KCNH1: variants seen among roughly 807,000 people sequenced by gnomAD.
KCNH1 encodes voltage-gated delayed rectifier potassium channel KCNH1.
Under a neutral mutation model 69.2 loss-of-function variants are expected in KCNH1, and 27 were observed. The ratio of observed to expected loss-of-function variants is 0.39; its 90% CI spans 0.29 to 0.54. The LOEUF (loss-of-function observed/expected upper bound fraction) is 0.54. Among genes scored for constraint, KCNH1 ranks in the 20% least tolerant of loss-of-function variants. The pLI, the probability that KCNH1 is intolerant of heterozygous loss-of-function variation, is 0.68. For synonymous variants in KCNH1, 456 were observed against 487.7 expected, an observed-to-expected ratio of 0.93 and a Z score of 0.86; for missense variants, 798 against 1,261.6, an observed-to-expected ratio of 0.63 and a Z score of 5.57.
intron 10 of KCNH1, among the ~76,000 whole-genome samples, chr1:210,758,509 G>T (rs1042946538): frequency 2.6e-5 from 4 of 152,212 alleles, no homozygotes; most frequent in African/African-American, 4.8e-5. Context: ...TGGCCTACCA[G>T]CTGAGGAGCA....
At chr1:210,867,529 T>C (rs937231038) in intron 7 of KCNH1, among the ~76,000 whole-genome samples, 4 of 151,984 alleles carry the variant, frequency 2.6e-5, no homozygotes, top group African/African-American at 9.7e-5. Flanking sequence ...AAAAATTTTA[T>C]TGAGGTATAA....
At chr1:210,984,534 T>C (rs1199804401) in intron 6 of KCNH1, among the ~76,000 whole-genome samples, 5 of 152,050 alleles carry the variant, frequency 3.3e-5, no homozygotes, top group Admixed American at 3.3e-4. Context: ...GAGATAATCA[T>C]GTGGTTTTTG....
chr1:211,020,553 A>G lies in KCNH1; in HGVS notation c.559-1297T>C, dbSNP rs569277197. Among the ~76,000 whole-genome samples, 21 of 152,274 alleles carry G rather than the reference A, an allele frequency of 1.4e-4. No homozygotes were observed. The South Asian group carries it at 2.1e-3, about 15-fold the overall frequency. Reference sequence around the variant, plus strand: ...CCAGATGGCTTCAAAGCTGAATTTTACCAAAGTTTTAAAGAAGAACTAGTA... The same window carrying G: ...CCAGATGGCTTCAAAGCTGAATTTTGCCAAAGTTTTAAAGAAGAACTAGTA... On this transcript the variant is annotated intron_variant, in intron 5 of 10. Transcript: ENST00000271751.
intron 6 of KCNH1, among the ~76,000 whole-genome samples, chr1:210,991,649 T>C (rs1688939581): frequency 6.7e-6 from 1 of 149,676 alleles, no homozygotes; most frequent in African/African-American, 2.5e-5. Context: ...CATACACACA[T>C]ACACACCAGA....
intron 10 of KCNH1, among the ~76,000 whole-genome samples, chr1:210,774,924 AGCTGGCAG>A (rs1303476564): frequency 6.6e-6 from 1 of 152,184 alleles, no homozygotes; most frequent in African/African-American, 2.4e-5. Flanking sequence ...TACCATTACT[AGCTGGCAG>A]GCTAATGGCT....
intron 9 of KCNH1, among the ~76,000 whole-genome samples, chr1:210,781,068 T>C (rs1323088088): frequency 6.6e-6 from 1 of 151,960 alleles, no homozygotes; most frequent in Non-Finnish European, 1.5e-5. Flanking sequence ...CAAACAAAAC[T>C]GAAAAGCCAC....
At chr1:210,920,189 C>T (rs561103584) in intron 6 of KCNH1, 120 bp from the exon 7 acceptor site, 1 of 824,082 alleles carries the variant, frequency 1.2e-6, no homozygotes, top group Non-Finnish European at 1.8e-6. Flanking sequence ...CAATTTTATG[C>T]AACCCTTAAA....
chr1:211,033,594 A>G (rs554380010), intron 5 of KCNH1, among the ~76,000 whole-genome samples: 2 of 152,352 alleles, frequency 1.3e-5, no homozygotes, highest in East Asian at 3.9e-4. Context: ...ATAAAAAATG[A>G]TGAGTTCATG....
intron 1 of KCNH1, among the ~76,000 whole-genome samples, chr1:211,122,269 C>T (rs1234257040): frequency 1.3e-5 from 2 of 152,148 alleles, no homozygotes; most frequent in Non-Finnish European, 2.9e-5. Flanking sequence ...ATCAAAACCA[C>T]AATGAGACAC....
intron 5 of KCNH1, among the ~76,000 whole-genome samples, chr1:211,076,955 C>A (rs1216307851): frequency 6.6e-6 from 1 of 151,954 alleles, no homozygotes; most frequent in Non-Finnish European, 1.5e-5. Flanking sequence ...AAGAACTATG[C>A]GACACATGCA....
chr1:210,997,766 G>A (rs1162720404), intron 6 of KCNH1, among the ~76,000 whole-genome samples: 7 of 152,200 alleles, frequency 4.6e-5, no homozygotes, highest in African/African-American at 7.2e-5. Context: ...CAGAGAGAAT[G>A]ATCGGGTTAT....
chr1:211,128,289 A>G (rs1439746646), intron 1 of KCNH1, among the ~76,000 whole-genome samples: 2 of 151,696 alleles, frequency 1.3e-5, no homozygotes, highest in Non-Finnish European at 2.9e-5. Flanking sequence ...TCTCAAAAAA[A>G]AAAAAAAAAA....
At chr1:210,959,896 G>A (rs995479736) in intron 6 of KCNH1, among the ~76,000 whole-genome samples, 9 of 152,134 alleles carry the variant, frequency 5.9e-5, no homozygotes, top group South Asian at 2.1e-4. Flanking sequence ...GCTTCAGCTC[G>A]CCCTCCATGG....
chr1:210,756,608 A>G (rs1168970301), intron 10 of KCNH1, among the ~76,000 whole-genome samples: 1 of 152,142 alleles, frequency 6.6e-6, no homozygotes, highest in East Asian at 1.9e-4. Flanking sequence ...AGTCAGATGG[A>G]TGTAAAAGCC....
At chr1:210,997,073 A>AG (rs1204614923) in intron 6 of KCNH1, among the ~76,000 whole-genome samples, 1 of 152,258 alleles carries the variant, frequency 6.6e-6, no homozygotes, top group Non-Finnish European at 1.5e-5. Flanking sequence ...AAAATAGAGC[A>AG]GAAAAACTGG....
At chr1:210,897,121 C>A (rs1283887421) in intron 7 of KCNH1, among the ~76,000 whole-genome samples, 1 of 152,186 alleles carries the variant, frequency 6.6e-6, no homozygotes, top group Non-Finnish European at 1.5e-5. Flanking sequence ...ACTATGTGCA[C>A]TAACTCCTCG....
At chr1:210,969,363 G>A (rs1334680285) in intron 6 of KCNH1, among the ~76,000 whole-genome samples, 1 of 151,882 alleles carries the variant, frequency 6.6e-6, no homozygotes, top group East Asian at 1.9e-4. Flanking sequence ...CTTTATATAA[G>A]ACTAGAATAA....
At chr1:210,770,443 T>C (rs1356613070) in intron 10 of KCNH1, among the ~76,000 whole-genome samples, 1 of 152,228 alleles carries the variant, frequency 6.6e-6, no homozygotes, top group Non-Finnish European at 1.5e-5. Flanking sequence ...AAACTGAGGC[T>C]CTGAATGGTT....
At chr1:211,123,333 C>A (rs549861617) in intron 1 of KCNH1, among the ~76,000 whole-genome samples, 12 of 152,306 alleles carry the variant, frequency 7.9e-5, no homozygotes, top group Admixed American at 3.9e-4. Context: ...TAGAGTTGAG[C>A]AGGTATCTTT....
Sources: allele counts gnomAD v4.1 joint callset (sites outside exome capture counted in the v4.1 genomes callset), GRCh38; gene constraint gnomAD v4.1.1; transcripts MANE v1.5; gene names NCBI Gene and HGNC (gene_info 2026-07-23, HGNC 2026-07-21).